Variants in SERAC1 observed in about 807,000 individuals in gnomAD.
SERAC1 encodes protein SERAC1.
In SERAC1, 36 loss-of-function variants were observed where a neutral mutation model predicts 85.7. The ratio of observed to expected loss-of-function variants is 0.42; its 90% confidence interval spans 0.32 to 0.55. The LOEUF (loss-of-function observed/expected upper bound fraction) is 0.55. SERAC1 is among the 20% of genes least tolerant of loss of function. The probability of loss-of-function intolerance (pLI) is 0.11; values close to 1 mark genes in which losing one functional copy is unlikely to be tolerated. For missense variants in SERAC1, 629 were observed against 796.2 expected, an observed-to-expected ratio of 0.79 and a Z score of 2.53; for synonymous variants, 242 against 265.3, an observed-to-expected ratio of 0.91 and a Z score of 0.85.
intron 10 of SERAC1, among the ~76,000 whole-genome samples, chr6:158,124,009 T>A (rs1300882104): frequency 1.3e-5 from 2 of 152,000 alleles, no homozygotes; most frequent in East Asian, 3.9e-4. Flanking sequence ...AGGAGTAGAG[T>A]ACTAGACAAC....
chr6:158,146,706 G>A, intron 6 of SERAC1, 76 bp downstream of exon 6: 1 of 1,576,402 alleles, frequency 6.3e-7, no homozygotes, highest in Non-Finnish European at 8.7e-7. Context: ...CACCGCACCT[G>A]GCCACTCCCT....
At chr6:158,116,380 A>G in intron 13 of SERAC1, 98 bp from the exon 14 acceptor site, 5 of 818,992 alleles carry the variant, frequency 6.1e-6, no homozygotes, top group South Asian at 5.7e-5. Flanking sequence ...TACAGGACCA[A>G]TGCTACATAC....
chr6:158,126,485 G>A (rs1444899673), intron 10 of SERAC1, among the ~76,000 whole-genome samples: 1 of 150,920 alleles, frequency 6.6e-6, no homozygotes, highest in Non-Finnish European at 1.5e-5. Flanking sequence ...AGGGAGGGAG[G>A]AGATGGAGGG....
At chr6:158,162,697 CT>C (rs1785513872) in intron 1 of SERAC1, among the ~76,000 whole-genome samples, 1 of 152,184 alleles carries the variant, frequency 6.6e-6, no homozygotes, top group Non-Finnish European at 1.5e-5. Context: ...AATTCATCAC[CT>C]TCTGTTTAGT....
intron 8 of SERAC1, among the ~76,000 whole-genome samples, chr6:158,131,757 A>G (rs1784682540): frequency 6.6e-6 from 1 of 152,162 alleles, no homozygotes; most frequent in Non-Finnish European, 1.5e-5. Flanking sequence ...ACACACAGGG[A>G]AAGTGATAGA....
Position 158,159,859 on chromosome 6 carries a change from C to G in SERAC1, c.-1-1495G>C, listed in dbSNP as rs555317510. ...CAGGCTGGTCTTGAACTCCTGACCT[C>G]AAGTGATCCACCCGCCTCGGCCTCC... On this transcript the variant is annotated intron_variant, in intron 1 of 16. Coordinates refer to ENST00000647468, the MANE Select transcript of SERAC1 (RefSeq NM_032861.4). Among the ~76,000 whole-genome samples, 13 of 152,262 alleles carry G rather than the reference C, an allele frequency of 8.5e-5. No individual in the cohort carries two copies. The East Asian group carries it at 2.5e-3, about 29-fold the overall frequency.
intron 1 of SERAC1, among the ~76,000 whole-genome samples, chr6:158,162,560 A>G (rs1785511213): frequency 2.0e-5 from 3 of 152,048 alleles, no homozygotes; most frequent in African/African-American, 2.4e-5. Context: ...CCCCCATTCA[A>G]CTTTTACCTT....
At chr6:158,143,337 CTCTCTCTCTCTATATATATATA>C (rs879324590) in intron 7 of SERAC1, among the ~76,000 whole-genome samples, 153 bp from the exon 8 acceptor site, 7,361 of 30,406 alleles carry the variant, frequency 0.24, 211 homozygotes, top group East Asian at 0.39. Flanking sequence ...CTCTCTCTCT[CTCTCTCTCTCTATATATATATA>C]TATATATATA....
chr6:158,156,861 T>C (rs1299166380), intron 2 of SERAC1, among the ~76,000 whole-genome samples: 1 of 101,620 alleles, frequency 9.8e-6, no homozygotes, highest in South Asian at 2.9e-4. Flanking sequence ...ATATAATAAA[T>C]ATTAATATAT....
chr6:158,115,261 T>C (rs767811946), intron 14 of SERAC1, among the ~76,000 whole-genome samples: 1 of 152,194 alleles, frequency 6.6e-6, no homozygotes, highest in Non-Finnish European at 1.5e-5. Flanking sequence ...ACATGAGGTA[T>C]GCCCAGCTGG....
At chr6:158,155,764 A>G (rs1785315208) in intron 2 of SERAC1, among the ~76,000 whole-genome samples, 1 of 152,232 alleles carries the variant, frequency 6.6e-6, no homozygotes, top group Non-Finnish European at 1.5e-5. Flanking sequence ...GAAGGATTAT[A>G]TTGTCAAGTG....
In SERAC1 at chr6:158,119,067, T is replaced by C. The variant is rs367903368; in HGVS notation, c.1270A>G (p.Met424Val). Reference sequence around the variant, plus strand: ...GTCGTATATCTGTCTTCATCCTCCATAGGTTTTTCAATTACAGCCTGCTCA... The same window carrying C: ...GTCGTATATCTGTCTTCATCCTCCACAGGTTTTTCAATTACAGCCTGCTCA... ...DSEQAVIEKP[M>V]EDEDRYTTCW... The change falls in exon 12 of 17, where the codon ATG (methionine) becomes GTG (valine). Residue 424 changes from methionine to valine, a missense_variant. Coordinates refer to ENST00000647468, the MANE Select transcript of SERAC1 (RefSeq NM_032861.4). The surrounding 1 kb of genome is among the most constrained non-coding windows in gnomAD (Gnocchi z 4.5). The C allele has an allele frequency of 1.8e-5, 29 of 1,613,866 alleles. No homozygotes were observed. The highest frequency in any genetic ancestry group is 5.0e-5 in the Admixed American group (3 of 59,976).
intron 3 of SERAC1, among the ~76,000 whole-genome samples, chr6:158,154,425 C>T (rs1288163588): frequency 1.3e-5 from 2 of 152,102 alleles, no homozygotes; most frequent in African/African-American, 4.8e-5. Flanking sequence ...ATATATTTTG[C>T]CTTACATTAC....
intron 2 of SERAC1, 21 bp downstream of exon 2, chr6:158,158,252 A>C: frequency 1.3e-6 from 2 of 1,536,644 alleles, no homozygotes; most frequent in Non-Finnish European, 1.8e-6. Context: ...AGAAAATAAG[A>C]GTTGTTTAAG....
intron 1 of SERAC1, chr6:158,161,973 A>C (rs1785498652): frequency 1.3e-5 from 2 of 152,288 alleles, no homozygotes; most frequent in African/African-American, 4.8e-5. Flanking sequence ...TCCCACAAAA[A>C]AACACAATAA....
intron 1 of SERAC1, among the ~76,000 whole-genome samples, chr6:158,167,274 C>G (rs887737356): frequency 6.9e-6 from 1 of 145,824 alleles, no homozygotes; most frequent in Non-Finnish European, 1.5e-5. Context: ...CGCGGTGGCT[C>G]ACACCTGTAA....
rs1191798648 is a variant in SERAC1 at position 158,116,327 on chromosome 6, CCCT to C, written c.1404-48_1404-46del. The C allele has an allele frequency of 4.0e-6, 6 of 1,482,180 alleles. No individual in the cohort carries two copies. The East Asian group carries it at 1.1e-4, about 28-fold the overall frequency. 91.8% of individuals were successfully genotyped at this position (1,482,180 alleles called of 1,614,324 possible). The stretch of plus-strand genomic sequence containing the variant: ...CAGGCATGACACAAGGCTATCGATC[CCCT>C]CAATTTGCTGTCTAATTTTTAGAGT... On this transcript the variant is annotated intron_variant, in intron 13 of 16. Transcript: ENST00000647468.
At chr6:158,156,870 AT>A (rs1785354479) in intron 2 of SERAC1, among the ~76,000 whole-genome samples, 1 of 95,556 alleles carries the variant, frequency 1.0e-5, no homozygotes, top group African/African-American at 3.7e-5. Flanking sequence ...ATATTAATAT[AT>A]TTATATAGAT....
intron 9 of SERAC1, 23 bp downstream of exon 9, chr6:158,130,347 AACT>A: frequency 2.3e-6 from 3 of 1,290,696 alleles, no homozygotes; most frequent in Non-Finnish European, 3.2e-6. Flanking sequence ...ATAAAAAGTA[AACT>A]ACATTTTGAA....
Sources: gnomAD v4.1 joint callset for allele counts (sites outside exome capture counted in the v4.1 genomes callset) on GRCh38, gnomAD v4.1.1 for gene constraint, Gnocchi (gnomAD v3.1) non-coding constraint, MANE v1.5 for transcripts, NCBI Gene and HGNC (gene_info 2026-07-23, HGNC 2026-07-21) for gene names.